KCNH2: variants seen among roughly 807,000 people sequenced by gnomAD.
KCNH2 encodes the protein voltage-gated inwardly rectifying potassium channel KCNH2.
KCNH2 carries 35 observed loss-of-function variants against 95.9 expected under a neutral mutation model. The observed-to-expected ratio is 0.37, with a 90% CI of 0.28 to 0.48. The LOEUF is 0.48. Ranked by LOEUF, KCNH2 falls within the 20% of genes least tolerant of loss-of-function variation. The probability of loss-of-function intolerance (pLI) is 0.99; values close to 1 mark genes in which losing one functional copy is unlikely to be tolerated. For missense variants in KCNH2, 1,274 were observed against 1,702.9 expected (o/e 0.75, Z 4.43); for synonymous variants, 786 against 754.7 (o/e 1.04, Z -0.68).
At chr7:150,968,914 G>A (rs1801770519) in intron 2 of KCNH2, among the ~76,000 whole-genome samples, 1 of 152,204 alleles carries the variant, frequency 6.6e-6, no homozygotes, top group Non-Finnish European at 1.5e-5. Context: ...ATGGCGAGGA[G>A]AATGAGCTCT....
rs1217847609 is a variant in KCNH2 at position 150,952,310 on chromosome 7, TTCTC to T, written c.1557+111_1557+114del. 2.0e-5 allele frequency: 22 copies of T among 1,086,924 alleles called. No homozygotes were observed. The highest frequency in any genetic ancestry group is 2.7e-5 in the South Asian group (2 of 72,866). 67.3% of individuals were successfully genotyped at this position (1,086,924 alleles called of 1,614,324 possible). A position where few individuals can be genotyped will look rare whatever the true frequency, so the allele number is the denominator to read the frequency against. ...TCTCTCTCCCACTGTCTTTCTCTCT[TTCTC>T]TCTCTCTCTCTTTTTCTCTGTCCTC... On this transcript the variant is annotated intron_variant, in intron 6 of 14. Coordinates refer to ENST00000262186, the MANE Select transcript of KCNH2 (RefSeq NM_000238.4). This position sits in a 1 kb window ranked among gnomAD's most constrained non-coding sequence, Gnocchi z 7.3.
At position 150,948,960 on chromosome 7, in the gene KCNH2, G is replaced by A. The variant is rs777794485; in HGVS notation, c.2488C>T (p.Leu830=). Residue 830 remains leucine, a synonymous_variant, in exon 10 of 15, where the codon CTA becomes TTA. Transcript: ENST00000262186. The stretch of plus-strand genomic sequence containing the variant: ...AGGTCGTCCCGATGGATCTTGTGTA[G>A]GTCACAGTAGGTGAGGGCCCGCACA... ...GDVRALTYCD[L]HKIHRDDLLE... 3.7e-6 allele frequency: 6 copies of A among 1,614,092 alleles called. No individual in the cohort carries two copies.
At chr7:150,971,373 C>T (rs893696935) in intron 2 of KCNH2, among the ~76,000 whole-genome samples, 3 of 152,100 alleles carry the variant, frequency 2.0e-5, no homozygotes, top group South Asian at 2.1e-4. Flanking sequence ...TCCCAACAGC[C>T]GCAGCATCAG....
chr7:150,976,731 C>CT, intron 1 of KCNH2, among the ~76,000 whole-genome samples: 8 of 130,814 alleles, frequency 6.1e-5, no homozygotes, highest in African/African-American at 1.3e-4. Flanking sequence ...GAATCCAGCA[C>CT]CCCCCCCCAC....
At position 150,946,150 on chromosome 7, in the gene KCNH2, G is replaced by A. The variant is rs1313220139; in HGVS notation, c.3331-636C>T. Reference sequence around the variant, plus strand: ...TGCCAAGGGAAGTGGGGAGGGAGCAGATCCCAGGCCGCCTCTGGCAGCCAG... The same window carrying A: ...TGCCAAGGGAAGTGGGGAGGGAGCAAATCCCAGGCCGCCTCTGGCAGCCAG... On this transcript the variant is annotated intron_variant, in intron 14 of 14. Transcript: ENST00000262186. The surrounding 1 kb of genome is among the most constrained non-coding windows in gnomAD (Gnocchi z 6.5). Among the ~76,000 whole-genome samples the A allele has an allele frequency of 6.6e-6, 1 of 152,126 alleles. No homozygotes were observed. The highest frequency in any genetic ancestry group is 1.9e-4 in the East Asian group (1 of 5,178).
rs747237810 is a variant in KCNH2 at position 150,947,609 on chromosome 7, A to C, written c.2962T>G (p.Ser988Ala). ...EKSSDTCNPL[S>A]GAFSGVSNIF... ...GCCCGCCCGTCGCCCGGGATACCTG[A>C]CAGGGGGTTGCAAGTGTCGCTGCTC... The change falls in exon 12 of 15, where the codon TCA becomes GCA. Residue 988 changes from serine to alanine, a missense_variant. Ser to Ala is a moderately conservative substitution (Grantham distance 99). Coordinates refer to ENST00000262186, the MANE Select transcript of KCNH2 (RefSeq NM_000238.4). 3.1e-6 allele frequency: 5 copies of C among 1,612,644 alleles called. No individual in the cohort carries two copies. The highest frequency in any genetic ancestry group is 3.3e-5 in the Admixed American group (2 of 59,942).
chr7:150,947,610 C>T lies in KCNH2; in HGVS notation c.2961G>A (p.Leu987=). 2 of 1,612,780 alleles carry T rather than the reference C, an allele frequency of 1.2e-6. No homozygotes were observed. The highest frequency in any genetic ancestry group is 2.2e-5 in the South Asian group (2 of 90,824). ...CEKSSDTCNP[L]SGAFSGVSNI... is the part of the protein sequence containing the mutation. ...CCCGCCCGTCGCCCGGGATACCTGA[C>T]AGGGGGTTGCAAGTGTCGCTGCTCT... Residue 987 remains leucine (L), a synonymous_variant, in exon 12 of 15, where the codon CTG becomes CTA. Transcript: ENST00000262186.
rs751302925 is a variant in KCNH2, at chr7:150,946,889, G to A, written c.3318C>T (p.Asp1106=). 1.3e-6 allele frequency: 2 copies of A among 1,598,824 alleles called. No homozygotes were observed. The highest frequency in any genetic ancestry group is 1.7e-5 in the Admixed American group (1 of 59,078). The change falls in exon 14 of 15, where the codon GAC becomes GAT. Residue 1106 remains aspartate (D), a synonymous_variant. Coordinates refer to ENST00000262186, the MANE Select transcript of KCNH2 (RefSeq NM_000238.4). This position sits in a 1 kb window ranked among gnomAD's most constrained non-coding sequence, Gnocchi z 6.5. The part of the protein sequence containing the change: ...PVSPLPTLTL[D]SLSQVSQFMA... ...GGCTGGAGCTTACCTGAGAAAGCGA[G>A]TCCAAGGTGAGGGTGGGGAGGGGGC... is the stretch of plus-strand genomic sequence containing the variant.
chr7:150,964,896 G>A (rs1479311446), intron 2 of KCNH2, among the ~76,000 whole-genome samples: 1 of 152,212 alleles, frequency 6.6e-6, no homozygotes, highest in Non-Finnish European at 1.5e-5. Context: ...AGCCGCTCCT[G>A]GCAGGGGGCC....
At chr7:150,956,655 C>A (rs1801385650) in intron 5 of KCNH2, among the ~76,000 whole-genome samples, 1 of 152,138 alleles carries the variant, frequency 6.6e-6, no homozygotes, top group African/African-American at 2.4e-5. Context: ...TCTTCTCTGG[C>A]CCAGGATTCA....
chr7:150,955,822 AG>A, intron 5 of KCNH2: 1 of 1,109,056 alleles, frequency 9.0e-7, no homozygotes, highest in Non-Finnish European at 1.1e-6. Context: ...CAGCTCCTCC[AG>A]CCGGCCCCTC....
chr7:150,949,406 GCATTTTTTT>G, intron 9 of KCNH2: 1 of 523,384 alleles, frequency 1.9e-6, no homozygotes, highest in Non-Finnish European at 2.5e-6. Flanking sequence ...ATCAAAACCA[GCATTTTTTT>G]TTTTTTTTTT....
intron 4 of KCNH2, among the ~76,000 whole-genome samples, 200 bp downstream of exon 4, chr7:150,957,859 G>A (rs933208552): frequency 6.6e-6 from 1 of 152,214 alleles, no homozygotes; most frequent in African/African-American, 2.4e-5. Context: ...CTCTGGGAGT[G>A]GAAGAATGTA....
chr7:150,954,299 C>A (rs920449220), intron 5 of KCNH2, among the ~76,000 whole-genome samples: 5 of 152,018 alleles, frequency 3.3e-5, no homozygotes, highest in African/African-American at 9.7e-5. Flanking sequence ...CTGGCCAGGC[C>A]CCTGCTGATA....
Position 150,947,526 on chromosome 7 carries a change from G to C in KCNH2, c.2966-12C>G, listed in dbSNP as rs1800949572. 3 of 1,598,406 alleles carry C rather than the reference G, an allele frequency of 1.9e-6. No homozygotes were observed. In the South Asian group the frequency reaches 3.4e-5, roughly 18 times the overall value. The stretch of plus-strand genomic sequence containing the variant: ...TCCTGAGAAGGCGCCTGCAGCCAGA[G>C]AGCAGAGCTGGGTGAGCGGGGTAGA... On this transcript the variant is annotated splice_polypyrimidine_tract_variant and intron_variant, in intron 12 of 14. Coordinates refer to ENST00000262186, the MANE Select transcript of KCNH2 (RefSeq NM_000238.4).
intron 2 of KCNH2, among the ~76,000 whole-genome samples, chr7:150,969,055 A>G (rs1284249238): frequency 6.6e-6 from 1 of 152,198 alleles, no homozygotes; most frequent in Non-Finnish European, 1.5e-5. Flanking sequence ...GACCCCAGCT[A>G]AAATCCAAGT....
chr7:150,958,089 G>A lies in KCNH2; in HGVS notation c.886C>T (p.Leu296=). 1.6e-6 allele frequency: 2 copies of A among 1,281,060 alleles called. No homozygotes were observed. The highest frequency in any genetic ancestry group is 2.7e-5 in the South Asian group (1 of 36,540). The allele number at this position is 1,281,060 out of a possible 1,614,324, so 79.4% of individuals were successfully genotyped here. The stretch of plus-strand genomic sequence containing the variant: ...CTGGCGTGGCGCGGTGGCGGGGGCA[G>A]CACCCCGGCGCGCATGGCCTCGATG... ...DDIEAMRAGV[L]PPPPRHASTG... The change falls in exon 4 of 15, where the codon CTG becomes TTG. Residue 296 remains leucine, a synonymous_variant. Transcript: ENST00000262186.
At chr7:150,954,311 G>A (rs563910393) in intron 5 of KCNH2, among the ~76,000 whole-genome samples, 1 of 151,820 alleles carries the variant, frequency 6.6e-6, no homozygotes, top group East Asian at 1.9e-4. Context: ...CTGCTGATAA[G>A]GGGGCAGAAG....
chr7:150,953,185 C>T (rs1286875279), intron 5 of KCNH2, among the ~76,000 whole-genome samples: 3 of 152,200 alleles, frequency 2.0e-5, no homozygotes, highest in Non-Finnish European at 2.9e-5. Flanking sequence ...TGCCCTGAGA[C>T]GCTGGCCCAC....
Sources: allele counts gnomAD v4.1 joint callset (sites outside exome capture counted in the v4.1 genomes callset), GRCh38; gene constraint gnomAD v4.1.1; non-coding constraint Gnocchi (gnomAD v3.1); transcripts MANE v1.5; gene names NCBI Gene and HGNC (gene_info 2026-07-23, HGNC 2026-07-21).